The following SEPTIN11 variants were observed in gnomAD, a reference collection of about 807,000 sequenced individuals.
SEPTIN11 encodes septin 11, also known as septin-11.
In SEPTIN11, 25 loss-of-function variants were observed where a neutral mutation model predicts 51.4. That is an observed-to-expected ratio of 0.49 (90% CI 0.35 to 0.68). The LOEUF (loss-of-function observed/expected upper bound fraction) is 0.68. Among genes scored for constraint, SEPTIN11 ranks in the 30% least tolerant of loss-of-function variants. The pLI is 0.00. For synonymous variants in SEPTIN11, 174 were observed against 184.1 expected, an observed-to-expected ratio of 0.95 and a Z score of 0.44; for missense variants, 381 against 520.8, an observed-to-expected ratio of 0.73 and a Z score of 2.61.
rs942015841 is a variant in SEPTIN11 at position 77,020,490 on chromosome 4, C to T, written c.785-12C>T. ...CTAATCCCACTTCCGCCATTTCCCCCCTCTCTTGTAGTTGAGAATGAAAAT... is the reference window on the plus strand; with the variant it reads ...CTAATCCCACTTCCGCCATTTCCCCTCTCTCTTGTAGTTGAGAATGAAAAT... On this transcript the variant is annotated splice_polypyrimidine_tract_variant and intron_variant, in intron 6 of 9. Transcript: ENST00000264893. The T allele has an allele frequency of 2.5e-6, 4 of 1,612,718 alleles. No individual in the cohort carries two copies. The African/African-American group carries it at 4.0e-5, about 16-fold the overall frequency.
At chr4:76,957,182 G>T (rs1721599880) in intron 1 of SEPTIN11, among the ~76,000 whole-genome samples, 3 of 152,104 alleles carry the variant, frequency 2.0e-5, no homozygotes, top group Admixed American at 2.0e-4. Flanking sequence ...AGCTGTGGAA[G>T]TGTACTCTCT....
At chr4:76,963,499 C>A (rs1021699694) in intron 1 of SEPTIN11, among the ~76,000 whole-genome samples, 1 of 152,176 alleles carries the variant, frequency 6.6e-6, no homozygotes. Flanking sequence ...CCTTCTTCTA[C>A]CATGTAGAGA....
rs776217889 is a variant in SEPTIN11, at chr4:77,011,830, C to T, written c.434C>T (p.Thr145Met). 9 of 1,614,010 alleles carry T rather than the reference C, an allele frequency of 5.6e-6. No homozygotes were observed. The highest frequency in any genetic ancestry group is 7.6e-6 in the Non-Finnish European group (9 of 1,179,902). Residue 145 changes from threonine (T) to methionine (M), a missense_variant, in exon 4 of 10, where the codon ACG becomes ATG. Transcript: ENST00000264893. ...CGTTCTCTCTTCAACTACCATGACA[C>T]GAGGATCCATGCCTGCCTCTACTTT... is the stretch of plus-strand genomic sequence containing the variant. Reference protein sequence around the residue: ...IKRSLFNYHDTRIHACLYFIA... With the variant: ...IKRSLFNYHDMRIHACLYFIA...
In SEPTIN11 at chr4:76,984,450, C is replaced by T. The variant is rs770154210; in HGVS notation, c.28-11975C>T. Reference sequence around the variant, plus strand: ...AGAAAGGAAGTGGCTAATTTATATCCGGTGATAGAAATGGTGGCATCGGGA... The same window carrying T: ...AGAAAGGAAGTGGCTAATTTATATCTGGTGATAGAAATGGTGGCATCGGGA... On this transcript the variant is annotated intron_variant, in intron 1 of 9. Transcript: ENST00000264893. This position sits in a 1 kb window ranked among gnomAD's most constrained non-coding sequence, Gnocchi z 4.1. 3.3e-5 allele frequency among the ~76,000 whole-genome samples: 5 copies of T among 152,058 alleles called. No individual in the cohort carries two copies. Among genetic ancestry groups the T allele is most frequent in the Non-Finnish European group, 7.3e-5 (5 of 68,034 alleles).
In SEPTIN11 at chr4:76,995,788, C is replaced by T. The variant is rs549866088; in HGVS notation, c.28-637C>T. On this transcript the variant is annotated intron_variant, in intron 1 of 9. Coordinates refer to ENST00000264893, the MANE Select transcript of SEPTIN11 (RefSeq NM_018243.4). ...ATAACTACCTTACCCTAGTCTACAT[C>T]GGTAAACTCTGCAAAACTCCAGCAG... 1.4e-5 allele frequency: 22 copies of T among 1,524,640 alleles called. No individual in the cohort carries two copies. In the African/African-American group the frequency reaches 2.6e-4, roughly 18 times the overall value. The allele number at this position is 1,524,640 out of a possible 1,614,324, so 94.4% of individuals were successfully genotyped here. A position where few individuals can be genotyped will look rare whatever the true frequency, so the allele number is the denominator to read the frequency against.
chr4:76,955,242 A>G (rs1721510634), intron 1 of SEPTIN11, among the ~76,000 whole-genome samples: 1 of 152,180 alleles, frequency 6.6e-6, no homozygotes, highest in Admixed American at 6.5e-5. Context: ...TACCTTCTAT[A>G]TGCAGGTGCT....
At chr4:77,004,845 C>A (rs189233619) in intron 2 of SEPTIN11, among the ~76,000 whole-genome samples, 1 of 152,224 alleles carries the variant, frequency 6.6e-6, no homozygotes, top group East Asian at 1.9e-4. Flanking sequence ...TGCCTGTAAT[C>A]CTAGCTTCTC....
rs1227823056 is a variant in SEPTIN11 at position 77,035,393 on chromosome 4, A to C, written c.*881A>C. The C allele has an allele frequency of 3.0e-6, 3 of 985,272 alleles. No homozygotes were observed. In the African/African-American group the frequency reaches 5.2e-5, roughly 17 times the overall value. 61.0% of individuals were successfully genotyped at this position (985,272 alleles called of 1,614,324 possible). A position where few individuals can be genotyped will look rare whatever the true frequency, so the allele number is the denominator to read the frequency against. On this transcript the variant is annotated 3_prime_UTR_variant, in exon 10 of 10. Coordinates refer to ENST00000264893, the MANE Select transcript of SEPTIN11 (RefSeq NM_018243.4). The stretch of plus-strand genomic sequence containing the variant: ...TGTTCCCAGTGGGCTTAGAGGGAGG[A>C]CCTGATGACTGATTCCAGGATACTT...
intron 3 of SEPTIN11, among the ~76,000 whole-genome samples, chr4:77,008,413 G>A (rs1724635834): frequency 6.6e-6 from 1 of 152,220 alleles, no homozygotes; most frequent in Non-Finnish European, 1.5e-5. Context: ...TAAAACAGTA[G>A]TGAGATGGAC....
intron 7 of SEPTIN11, among the ~76,000 whole-genome samples, chr4:77,027,070 G>A (rs1726209662): frequency 6.6e-6 from 1 of 152,194 alleles, no homozygotes. Flanking sequence ...AGTGGCAAGG[G>A]CAAGAGAACT....
At chr4:76,989,791 T>C (rs992985341) in intron 1 of SEPTIN11, among the ~76,000 whole-genome samples, 3 of 152,250 alleles carry the variant, frequency 2.0e-5, no homozygotes, top group Non-Finnish European at 4.4e-5. Context: ...TAATATTCTG[T>C]ACAGGTTTAT....
Position 77,035,478 on chromosome 4 carries a change from A to G in SEPTIN11, c.*966A>G. ...AAATTTCCACAGATACTTCCCTTAG[A>G]AAATTTGCTATAAACTCTGTATCAT... On this transcript the variant is annotated 3_prime_UTR_variant, in exon 10 of 10. Coordinates refer to ENST00000264893, the MANE Select transcript of SEPTIN11 (RefSeq NM_018243.4). 1.0e-6 allele frequency: 1 copy of G among 985,414 alleles called. No homozygotes were observed. 61.0% of individuals were successfully genotyped at this position (985,414 alleles called of 1,614,324 possible).
chr4:77,028,847 TC>T, intron 8 of SEPTIN11, 86 bp downstream of exon 8: 1 of 720,514 alleles, frequency 1.4e-6, no homozygotes, highest in Non-Finnish European at 1.8e-6. Context: ...TTCATGATGG[TC>T]CAAGTACTTT....
intron 9 of SEPTIN11, chr4:77,031,929 G>A (rs1256912217): frequency 2.0e-5 from 3 of 152,132 alleles, no homozygotes; most frequent in African/African-American, 7.2e-5. Flanking sequence ...CAAGGTTCTA[G>A]GGAAAAAGCT....
intron 2 of SEPTIN11, 79 bp downstream of exon 2, chr4:76,996,618 T>C (rs1723736202): frequency 9.8e-7 from 1 of 1,023,000 alleles, no homozygotes; most frequent in Non-Finnish European, 1.5e-6. Context: ...CATGCTTCAG[T>C]GAAATAAGAA....
chr4:76,974,599 T>A (rs1722401895), intron 1 of SEPTIN11: 1 of 383,132 alleles, frequency 2.6e-6, no homozygotes, highest in African/African-American at 2.1e-5. Flanking sequence ...ACTAAGGCGT[T>A]CTAGATAGGT....
intron 1 of SEPTIN11, among the ~76,000 whole-genome samples, chr4:76,982,437 C>T (rs1722817119): frequency 6.6e-6 from 1 of 152,190 alleles, no homozygotes; most frequent in African/African-American, 2.4e-5. Flanking sequence ...TGTCAAACTC[C>T]TGGCCTCTAG....
Position 77,035,066 on chromosome 4 carries a change from A to T in SEPTIN11, c.*554A>T. 2 of 985,440 alleles carry T rather than the reference A, an allele frequency of 2.0e-6. No homozygotes were observed. Among genetic ancestry groups the T allele is most frequent in the African/African-American group, 1.7e-5 (1 of 57,348 alleles). 61.0% of individuals were successfully genotyped at this position (985,440 alleles called of 1,614,324 possible). Reference sequence around the variant, plus strand: ...ATTTTTACCCTTGCATGACATTTTCATTTTAATCAATAACATTATTTGGCC... The same window carrying T: ...ATTTTTACCCTTGCATGACATTTTCTTTTTAATCAATAACATTATTTGGCC... On this transcript the variant is annotated 3_prime_UTR_variant, in exon 10 of 10. Transcript: ENST00000264893.
chr4:77,029,929 C>T (rs1726485712), intron 8 of SEPTIN11, among the ~76,000 whole-genome samples: 1 of 151,912 alleles, frequency 6.6e-6, no homozygotes, highest in Non-Finnish European at 1.5e-5. Context: ...GGTAAAGAAC[C>T]ACTTTTACCA....
Sources: gnomAD v4.1 joint callset for allele counts (sites outside exome capture counted in the v4.1 genomes callset) on GRCh38, gnomAD v4.1.1 for gene constraint, Gnocchi (gnomAD v3.1) non-coding constraint, MANE v1.5 for transcripts, NCBI Gene and HGNC (gene_info 2026-07-23, HGNC 2026-07-21) for gene names.